The following TEX15 variants were observed in gnomAD, a reference collection of about 807,000 sequenced individuals.
TEX15 encodes testis expressed 15, meiosis and synapsis associated, also known as testis-expressed protein 15.
TEX15 carries 171 observed loss-of-function variants against 237.3 expected under a neutral mutation model. The observed-to-expected ratio is 0.72, with a 90% CI of 0.64 to 0.82. The LOEUF is 0.82. Among genes scored for constraint, TEX15 ranks in the 40% least tolerant of loss-of-function variants. TEX15 has a pLI of 0.00. For synonymous variants in TEX15, 1,338 were observed against 1,269.8 expected, an observed-to-expected ratio of 1.05 and a Z score of -1.14; for missense variants, 3,750 against 3,646.5, an observed-to-expected ratio of 1.03 and a Z score of -0.73.
chr8:30,866,728 C>G (rs992548960), intron 5 of TEX15, among the ~76,000 whole-genome samples: 1 of 137,706 alleles, frequency 7.3e-6, no homozygotes, highest in African/African-American at 3.3e-5. Flanking sequence ...CACACACATA[C>G]ACACACACAC....
In TEX15 at chr8:30,849,081, CTCTG is replaced by C. The variant is rs762396095; in HGVS notation, c.1082_1085del (p.Thr361SerfsTer4). Reference sequence around the variant, plus strand: ...TGTCTCTAATTTCTGCTAAACTGTGCTCTGTCTGTCCACTGTATGTTTCAGGTAT... The same window carrying C: ...TGTCTCTAATTTCTGCTAAACTGTGCTCTGTCCACTGTATGTTTCAGGTAT... On this transcript the variant is annotated frameshift_variant, in exon 8 of 11. Transcript: ENST00000643185. LOFTEE classifies it high-confidence loss of function. 1.2e-6 allele frequency: 2 copies of C among 1,613,430 alleles called. No homozygotes were observed. The highest frequency in any genetic ancestry group is 1.7e-6 in the Non-Finnish European group (2 of 1,179,772).
chr8:30,839,118 T>C (rs1231995910), intron 9 of TEX15, among the ~76,000 whole-genome samples: 1 of 152,074 alleles, frequency 6.6e-6, no homozygotes, highest in African/African-American at 2.4e-5. Flanking sequence ...ACCCAGCCAG[T>C]AATTAGATTT....
chr8:30,883,003 TCAAA>T (rs972081211), intron 3 of TEX15, among the ~76,000 whole-genome samples: 8 of 152,088 alleles, frequency 5.3e-5, no homozygotes, highest in Non-Finnish European at 8.8e-5. Context: ...ACTCCTGGGC[TCAAA>T]CAAATCTCCC....
Position 30,875,084 on chromosome 8 carries a change from T to C in TEX15, c.155A>G (p.Tyr52Cys). The C allele has an allele frequency of 2.4e-6, 3 of 1,244,594 alleles. No homozygotes were observed. Among genetic ancestry groups the C allele is most frequent in the Non-Finnish European group, 3.0e-6 (3 of 993,016 alleles). 77.1% of individuals were successfully genotyped at this position (1,244,594 alleles called of 1,614,324 possible). Reference protein sequence around the residue: ...TAEKVYLSPCYTNSREYSFIH... With the variant: ...TAEKVYLSPCCTNSREYSFIH... ...AAAACTATACTCTCTACTATTGGTG[T>C]AACAAGGTGACAAGTAAACTAAAGG... Residue 52 changes from tyrosine to cysteine, a missense_variant, in exon 4 of 11, where the codon TAC (tyrosine) becomes TGC (cysteine). Tyr to Cys is a radical substitution (Grantham distance 194). Coordinates refer to ENST00000643185, the MANE Select transcript of TEX15 (RefSeq NM_001350162.2).
chr8:30,873,809 T>C (rs548836073), intron 4 of TEX15, among the ~76,000 whole-genome samples: 1 of 151,986 alleles, frequency 6.6e-6, no homozygotes, highest in African/African-American at 2.4e-5. Flanking sequence ...TGAGTATAAA[T>C]AACTATGGGA....
At position 30,842,147 on chromosome 8, in the gene TEX15, A is replaced by G; in HGVS notation, c.8020T>C (p.Ser2674Pro). 6.2e-7 allele frequency: 1 copy of G among 1,612,988 alleles called. No homozygotes were observed. The highest frequency in any genetic ancestry group is 1.1e-5 in the South Asian group (1 of 90,692). The change falls in exon 8 of 11, where the codon TCT becomes CCT. Residue 2674 changes from serine to proline, a missense_variant. Physicochemically the swap from Ser to Pro is moderately conservative, Grantham distance 74. Coordinates refer to ENST00000643185, the MANE Select transcript of TEX15 (RefSeq NM_001350162.2). Reference sequence around the variant, plus strand: ...TCTGATACTGGGGGCAACATCGTAGAAATACTAAATTTATTGTTATTTTCC... The same window carrying G: ...TCTGATACTGGGGGCAACATCGTAGGAATACTAAATTTATTGTTATTTTCC... The part of the protein sequence containing the change: ...PGENNNKFSI[S>P]TMLPPVSECI...
chr8:30,902,906 C>T (rs1809032926), intron 1 of TEX15, among the ~76,000 whole-genome samples: 1 of 152,178 alleles, frequency 6.6e-6, no homozygotes, highest in African/African-American at 2.4e-5. Flanking sequence ...CTGAGGATTA[C>T]CAGTACATTT....
chr8:30,882,485 A>G (rs533140146), intron 3 of TEX15, among the ~76,000 whole-genome samples: 1 of 152,122 alleles, frequency 6.6e-6, no homozygotes, highest in Admixed American at 6.5e-5. Context: ...ACAGGGTTTC[A>G]CCGTGTAAGC....
chr8:30,879,397 G>A (rs956996218), intron 3 of TEX15, among the ~76,000 whole-genome samples: 4 of 152,112 alleles, frequency 2.6e-5, no homozygotes, highest in African/African-American at 9.7e-5. Context: ...TCTTCTAGAC[G>A]TTTTATAGCT....
chr8:30,879,585 C>G (rs1808475483), intron 3 of TEX15, among the ~76,000 whole-genome samples: 1 of 152,184 alleles, frequency 6.6e-6, no homozygotes, highest in African/African-American at 2.4e-5. Context: ...ATCAATTGAG[C>G]ATATTTGCAT....
At chr8:30,836,045 A>T (rs933555608) in intron 10 of TEX15, among the ~76,000 whole-genome samples, 1 of 152,132 alleles carries the variant, frequency 6.6e-6, no homozygotes, top group Non-Finnish European at 1.5e-5. Flanking sequence ...TACACACCCT[A>T]AAGTTTTTAC....
intron 9 of TEX15, 142 bp from the exon 10 acceptor site, chr8:30,838,203 T>C: frequency 1.4e-6 from 1 of 705,854 alleles, no homozygotes; most frequent in Non-Finnish European, 2.1e-6. Flanking sequence ...ACTATACAAG[T>C]TAACATTTTC....
intron 4 of TEX15, among the ~76,000 whole-genome samples, chr8:30,870,925 G>A (rs1485982523): frequency 2.0e-5 from 3 of 152,028 alleles, no homozygotes; most frequent in Admixed American, 2.0e-4. Flanking sequence ...TTCTAGGGGA[G>A]GATCTCTTTC....
chr8:30,899,746 G>A (rs1049687767), intron 1 of TEX15, among the ~76,000 whole-genome samples: 4 of 152,048 alleles, frequency 2.6e-5, no homozygotes, highest in Non-Finnish European at 4.4e-5. Context: ...CCCCAACTCC[G>A]TTCTTGTATT....
Position 30,843,577 on chromosome 8 carries a change from C to T in TEX15, c.6590G>A (p.Cys2197Tyr). Residue 2197 changes from cysteine to tyrosine, a missense_variant, in exon 8 of 11, where the codon TGT becomes TAT. Cys to Tyr is a radical substitution (Grantham distance 194). Transcript: ENST00000643185. Reference protein sequence around the residue: ...FDFSLSVPFTCGVNFGDSLED... With the variant: ...FDFSLSVPFTYGVNFGDSLED... ...TAAACTATCTCCAAAGTTAACTCCA[C>T]AGGTAAATGGAACAGAAAGAGAAAA... is the stretch of plus-strand genomic sequence containing the variant. 1 of 1,613,084 alleles carries T rather than the reference C, an allele frequency of 6.2e-7. No individual in the cohort carries two copies. The highest frequency in any genetic ancestry group is 2.2e-5 in the East Asian group (1 of 44,860).
intron 2 of TEX15, among the ~76,000 whole-genome samples, chr8:30,888,021 C>T (rs1447774848): frequency 6.7e-6 from 1 of 149,888 alleles, no homozygotes; most frequent in Non-Finnish European, 1.5e-5. Context: ...AGCTCAAAAA[C>T]TTACACCCAT....
chr8:30,858,606 A>C, intron 7 of TEX15, 62 bp downstream of exon 7: 1 of 1,367,214 alleles, frequency 7.3e-7, no homozygotes, highest in Non-Finnish European at 9.8e-7. Context: ...CCAGTAAATA[A>C]TACTGAGAAA....
chr8:30,842,799 G>C lies in TEX15; in HGVS notation c.7368C>G (p.His2456Gln). 2 of 1,613,284 alleles carry C rather than the reference G, an allele frequency of 1.2e-6. No homozygotes were observed. The highest frequency in any genetic ancestry group is 1.7e-6 in the Non-Finnish European group (2 of 1,179,564). The change falls in exon 8 of 11, where the codon CAC becomes CAG. Residue 2456 changes from histidine to glutamine, a missense_variant. Coordinates refer to ENST00000643185, the MANE Select transcript of TEX15 (RefSeq NM_001350162.2). ...IEIVMVSETI[H>Q]FLKNSIAKKL... ...TCTTTGCTATTGAGTTTTTAAGAAA[G>C]TGAATTGTTTCTGAGACCATGACGA...
In TEX15 at chr8:30,836,908, G is replaced by A. The variant is rs750126653; in HGVS notation, c.9376C>T (p.Arg3126Trp). ...FQSQIPASNFRQPIFSQYASH... is the reference protein window; with the variant it reads ...FQSQIPASNFWQPIFSQYASH... ...GCATATTGTGAAAAAATTGGCTGCC[G>A]AAAATTAGAAGCAGGTATTTGAGAT... is the stretch of plus-strand genomic sequence containing the variant. Residue 3126 changes from arginine to tryptophan, a missense_variant, in exon 10 of 11, where the codon CGG becomes TGG. Arg to Trp is a moderately radical substitution (Grantham distance 101). Transcript: ENST00000643185. The A allele has an allele frequency of 4.3e-6, 7 of 1,614,030 alleles. No homozygotes were observed. The highest frequency in any genetic ancestry group is 1.3e-5 in the African/African-American group (1 of 74,918).
Sources: allele counts gnomAD v4.1 joint callset (sites outside exome capture counted in the v4.1 genomes callset), GRCh38; gene constraint gnomAD v4.1.1; transcripts MANE v1.5; gene names NCBI Gene and HGNC (gene_info 2026-07-23, HGNC 2026-07-21).